Variants in ACVR2A observed in about 807,000 individuals in gnomAD.
ACVR2A encodes activin A receptor type 2A, also known as activin receptor type-2A.
A neutral mutation model predicts 61.4 loss-of-function variants in ACVR2A; 7 were observed. The ratio of observed to expected loss-of-function variants is 0.11; its 90% CI spans 0.06 to 0.21. The LOEUF (loss-of-function observed/expected upper bound fraction) is 0.21, where lower values mean the gene tolerates loss of function less well. ACVR2A is among the 10% of genes least tolerant of loss of function. The probability of loss-of-function intolerance (pLI) is 1.00; values close to 1 mark genes in which losing one functional copy is unlikely to be tolerated. For synonymous variants in ACVR2A, 193 were observed against 208.3 expected (o/e 0.93, Z 0.63); for missense variants, 322 against 621.7 (o/e 0.52, Z 5.13).
In ACVR2A at chr2:147,920,248, T is replaced by C. The variant is rs369869413; in HGVS notation, c.981T>C (p.Asn327=). 56 of 1,613,024 alleles carry C rather than the reference T, an allele frequency of 3.5e-5. No individual in the cohort carries two copies. Among genetic ancestry groups the C allele is most frequent in the Non-Finnish European group, 4.5e-5 (53 of 1,179,438 alleles). Residue 327 remains asparagine (N), a synonymous_variant, in exon 8 of 11, where the codon AAT becomes AAC. Transcript: ENST00000241416. The part of the protein sequence containing the change: ...AISHRDIKSK[N]VLLKNNLTAC... ...TTGCAAGGGACATCAAAAGTAAAAA[T>C]GTGCTGTTGAAAAACAACCTGACAG...
intron 9 of ACVR2A, among the ~76,000 whole-genome samples, chr2:147,924,580 G>A (rs929376654): frequency 1.3e-5 from 2 of 151,934 alleles, no homozygotes; most frequent in Admixed American, 6.6e-5. Flanking sequence ...TAAATGCCAT[G>A]AAATAATTTC....
upstream of ACVR2A, chr2:147,844,767 T>TGCCGCC (rs1438409530): frequency 1.3e-5 from 2 of 159,746 alleles, no homozygotes; most frequent in Non-Finnish European, 2.7e-5. Flanking sequence ...CGGACGCCGC[T>TGCCGCC]GCCGCCGCCG....
At chr2:147,895,839 T>C (rs969468579) in intron 1 of ACVR2A, among the ~76,000 whole-genome samples, 3 of 152,176 alleles carry the variant, frequency 2.0e-5, no homozygotes, top group African/African-American at 7.2e-5. Flanking sequence ...AACAGTAGTC[T>C]ATTGGGAAAG....
intron 4 of ACVR2A, among the ~76,000 whole-genome samples, chr2:147,905,912 G>A (rs1034517664): frequency 2.0e-5 from 3 of 152,112 alleles, no homozygotes; most frequent in Non-Finnish European, 4.4e-5. Context: ...AGGTAAAGTT[G>A]CACATTAAAA....
intron 1 of ACVR2A, among the ~76,000 whole-genome samples, chr2:147,872,521 C>G (rs1686047149): frequency 6.7e-6 from 1 of 150,352 alleles, no homozygotes; most frequent in South Asian, 2.1e-4. Flanking sequence ...TATTTCTTGG[C>G]CCATACAATT....
chr2:147,916,831 T>C (rs1687259195), intron 5 of ACVR2A, among the ~76,000 whole-genome samples: 1 of 151,934 alleles, frequency 6.6e-6, no homozygotes, highest in Non-Finnish European at 1.5e-5. Context: ...TAAACATTTT[T>C]TGAAGGATGT....
intron 1 of ACVR2A, among the ~76,000 whole-genome samples, chr2:147,847,311 A>C (rs1483106832): frequency 6.6e-6 from 1 of 152,148 alleles, no homozygotes; most frequent in East Asian, 1.9e-4. Context: ...CAATTTGAGT[A>C]CTTAAAATGT....
chr2:147,858,953 G>A (rs150807820), intron 1 of ACVR2A, among the ~76,000 whole-genome samples: 395 of 152,090 alleles, frequency 2.6e-3, no homozygotes, highest in Non-Finnish European at 4.3e-3. Context: ...ATACAGACTG[G>A]ATTTTGACCT....
At chr2:147,867,443 A>G (rs751048549) in intron 1 of ACVR2A, among the ~76,000 whole-genome samples, 8 of 152,094 alleles carry the variant, frequency 5.3e-5, no homozygotes, top group South Asian at 2.1e-4. Context: ...TCAAAATCCA[A>G]GCAATTACTA....
At chr2:147,897,305 G>T (rs1235662504) in intron 2 of ACVR2A, among the ~76,000 whole-genome samples, 1 of 152,080 alleles carries the variant, frequency 6.6e-6, no homozygotes, top group African/African-American at 2.4e-5. Context: ...ACCATGCCTG[G>T]TCTACCCCAA....
chr2:147,917,693 A>G (rs1014149408), intron 6 of ACVR2A, among the ~76,000 whole-genome samples: 5 of 151,966 alleles, frequency 3.3e-5, no homozygotes, highest in Non-Finnish European at 7.4e-5. Context: ...TACTCTTACA[A>G]ACATTTATTT....
chr2:147,860,179 T>G (rs1685694749), intron 1 of ACVR2A, among the ~76,000 whole-genome samples: 1 of 152,144 alleles, frequency 6.6e-6, no homozygotes, highest in African/African-American at 2.4e-5. Flanking sequence ...CCTTCATTCC[T>G]CACCACCAGC....
upstream of ACVR2A, chr2:147,844,606 G>GCTGCCGCCCGCCGCCC (rs1685250413): frequency 1.3e-5 from 2 of 153,072 alleles, no homozygotes; most frequent in Admixed American, 6.7e-5. Context: ...CGCCGCCGCC[G>GCTGCCGCCCGCCGCCC]CTGCCGCCCG....
At chr2:147,923,258 G>A in intron 9 of ACVR2A, 147 bp downstream of exon 9, 1 of 856,994 alleles carries the variant, frequency 1.2e-6, no homozygotes, top group South Asian at 2.0e-5. Flanking sequence ...AGGCAGGGGA[G>A]CAGTGGGTGG....
intron 7 of ACVR2A, among the ~76,000 whole-genome samples, 200 bp from the exon 8 acceptor site, chr2:147,920,030 T>C (rs963068699): frequency 1.3e-5 from 2 of 152,168 alleles, no homozygotes; most frequent in Non-Finnish European, 2.9e-5. Flanking sequence ...GTCCATGTTA[T>C]GAATAGGGGT....
chr2:147,893,832 T>C (rs1054462680), intron 1 of ACVR2A, among the ~76,000 whole-genome samples: 4 of 152,180 alleles, frequency 2.6e-5, no homozygotes, highest in African/African-American at 9.6e-5. Flanking sequence ...GTGACTTTTT[T>C]CATCCCCTTA....
chr2:147,893,831 T>C (rs879467721), intron 1 of ACVR2A, among the ~76,000 whole-genome samples: 5 of 152,156 alleles, frequency 3.3e-5, no homozygotes, highest in Non-Finnish European at 5.9e-5. Flanking sequence ...TGTGACTTTT[T>C]TCATCCCCTT....
intron 1 of ACVR2A, among the ~76,000 whole-genome samples, chr2:147,885,599 T>G (rs1315049143): frequency 6.6e-6 from 1 of 152,108 alleles, no homozygotes; most frequent in Non-Finnish European, 1.5e-5. Context: ...GAATGGATAT[T>G]TGTGGCTTGG....
At chr2:147,875,000 G>A (rs1686118363) in intron 1 of ACVR2A, among the ~76,000 whole-genome samples, 1 of 151,786 alleles carries the variant, frequency 6.6e-6, no homozygotes, top group Non-Finnish European at 1.5e-5. Flanking sequence ...CAAATTATGA[G>A]CTTATTTTTA....
Sources: gnomAD v4.1 joint callset for allele counts (sites outside exome capture counted in the v4.1 genomes callset) on GRCh38, gnomAD v4.1.1 for gene constraint, MANE v1.5 for transcripts, NCBI Gene and HGNC (gene_info 2026-07-23, HGNC 2026-07-21) for gene names.